NFATC3: variants seen among roughly 807,000 people sequenced by gnomAD.
NFATC3 encodes the protein nuclear factor of activated T-cells, cytoplasmic 3.
In NFATC3, 46 loss-of-function variants were observed where a neutral mutation model predicts 98.6. The ratio of observed to expected loss-of-function variants is 0.47; its 90% CI spans 0.37 to 0.60. The LOEUF is 0.60. Among genes scored for constraint, NFATC3 ranks in the 20% least tolerant of loss-of-function variants. The pLI, the probability that NFATC3 is intolerant of heterozygous loss-of-function variation, is 0.00. For missense variants in NFATC3, 1,256 were observed against 1,295.5 expected (o/e 0.97, Z 0.47); for synonymous variants, 512 against 472.2 (o/e 1.08, Z -1.09).
intron 9 of NFATC3, among the ~76,000 whole-genome samples, chr16:68,194,049 A>G (rs1025907792): frequency 1.3e-5 from 2 of 152,204 alleles, no homozygotes; most frequent in African/African-American, 4.8e-5. Flanking sequence ...CTAAAATTGC[A>G]TAGCATTTTT....
Position 68,181,493 on chromosome 16 carries a change from A to C in NFATC3, c.1934A>C (p.Glu645Ala), listed in dbSNP as rs1182187067. ...EKGQDGRPQW[E>A]VEGKIIREKC... ...TCAATAGATGGACGACCTCAGTGGG[A>C]GGTAGAAGGGAAGATAATCAGGGAA... is the stretch of plus-strand genomic sequence containing the variant. The change falls in exon 7 of 10, where the codon GAG (glutamate) becomes GCG (alanine). Residue 645 changes from glutamate (E) to alanine (A), a missense_variant. Transcript: ENST00000346183. 6.8e-6 allele frequency: 11 copies of C among 1,611,466 alleles called. No individual in the cohort carries two copies. Among genetic ancestry groups the C allele is most frequent in the Admixed American group, 5.0e-5 (3 of 59,904 alleles).
intron 3 of NFATC3, among the ~76,000 whole-genome samples, chr16:68,128,120 T>C (rs2036935618): frequency 6.6e-6 from 1 of 152,172 alleles, no homozygotes; most frequent in Non-Finnish European, 1.5e-5. Context: ...GATGATAATC[T>C]CTTAGAACTG....
chr16:68,222,719 T>G (rs117410267), intron 9 of NFATC3, among the ~76,000 whole-genome samples: 1,788 of 152,290 alleles, frequency 0.012, 35 homozygotes, highest in Non-Finnish European at 0.014. Context: ...GTCCATTTAT[T>G]TAGTCATCAG....
intron 1 of NFATC3, among the ~76,000 whole-genome samples, chr16:68,103,400 A>G (rs2035475178): frequency 6.6e-6 from 1 of 151,964 alleles, no homozygotes; most frequent in African/African-American, 2.4e-5. Context: ...TGTGGAGATG[A>G]GATTTCACCA....
intron 3 of NFATC3, among the ~76,000 whole-genome samples, chr16:68,144,016 T>G (rs1288820026): frequency 6.6e-6 from 1 of 151,966 alleles, no homozygotes; most frequent in African/African-American, 2.4e-5. Context: ...TCATCAAAAT[T>G]AAAAACTTTA....
chr16:68,173,063 C>T lies in NFATC3; in HGVS notation c.1775-1311C>T, dbSNP rs554726553. ...CTTGAGCCCAGGAGTTCGAGAACAG[C>T]CTGGGCAACAAAGTGAGACCCTATC... On this transcript the variant is annotated intron_variant, in intron 5 of 9. Coordinates refer to ENST00000346183, the MANE Select transcript of NFATC3 (RefSeq NM_173165.3). 1.2e-3 allele frequency among the ~76,000 whole-genome samples: 176 copies of T among 151,350 alleles called. 2 individuals carry two copies. The highest frequency in any genetic ancestry group is 3.6e-3 in the African/African-American group (150 of 41,236).
chr16:68,125,080 G>GA (rs2036766369), intron 2 of NFATC3, among the ~76,000 whole-genome samples: 1 of 152,194 alleles, frequency 6.6e-6, no homozygotes, highest in African/African-American at 2.4e-5. Context: ...CTGATCTTTA[G>GA]AAAAATAGAA....
intron 3 of NFATC3, among the ~76,000 whole-genome samples, chr16:68,128,529 G>A (rs1024008606): frequency 6.6e-6 from 1 of 151,220 alleles, no homozygotes; most frequent in Non-Finnish European, 1.5e-5. Flanking sequence ...CTTTTGGGAG[G>A]GTACATGATT....
intron 1 of NFATC3, among the ~76,000 whole-genome samples, chr16:68,086,247 A>G (rs998459057): frequency 5.9e-5 from 9 of 152,144 alleles, no homozygotes; most frequent in African/African-American, 1.9e-4. Context: ...TTTTAAGTCT[A>G]CTTTGCTAGA....
At chr16:68,094,576 CTT>C (rs2034905482) in intron 1 of NFATC3, among the ~76,000 whole-genome samples, 2 of 152,110 alleles carry the variant, frequency 1.3e-5, no homozygotes, top group Admixed American at 6.6e-5. Flanking sequence ...GATCAGTACT[CTT>C]TTGGATTTTC....
At chr16:68,107,656 G>C (rs1217227345) in intron 1 of NFATC3, among the ~76,000 whole-genome samples, 1 of 152,134 alleles carries the variant, frequency 6.6e-6, no homozygotes, top group African/African-American at 2.4e-5. Flanking sequence ...CCAGGAAACA[G>C]AGGTTGCAGT....
chr16:68,145,614 A>G (rs1422530216), intron 3 of NFATC3, among the ~76,000 whole-genome samples: 5 of 152,216 alleles, frequency 3.3e-5, no homozygotes, highest in African/African-American at 9.7e-5. Context: ...AAAAAAGTCA[A>G]TATACTATAT....
At chr16:68,128,703 A>G (rs1190297811) in intron 3 of NFATC3, among the ~76,000 whole-genome samples, 1 of 152,206 alleles carries the variant, frequency 6.6e-6, no homozygotes, top group Non-Finnish European at 1.5e-5. Flanking sequence ...AGTCCCAGCT[A>G]CTGGGGAGGC....
At chr16:68,086,712 T>G in intron 1 of NFATC3, 1 of 985,464 alleles carries the variant, frequency 1.0e-6, no homozygotes, top group Non-Finnish European at 1.2e-6. Context: ...AATTTCTTAA[T>G]GTTCATGTTT....
intron 1 of NFATC3, among the ~76,000 whole-genome samples, chr16:68,119,225 T>A (rs530200400): frequency 6.6e-6 from 1 of 152,272 alleles, no homozygotes; most frequent in African/African-American, 2.4e-5. Context: ...CCTTGACTGT[T>A]CTTTCACATC....
chr16:68,202,070 C>T (rs2040946877), intron 9 of NFATC3, among the ~76,000 whole-genome samples: 1 of 148,252 alleles, frequency 6.7e-6, no homozygotes, highest in South Asian at 2.2e-4. Context: ...AATCCTGTTA[C>T]AACTTTCCAT....
At chr16:68,100,802 A>T (rs933337326) in intron 1 of NFATC3, among the ~76,000 whole-genome samples, 2 of 150,948 alleles carry the variant, frequency 1.3e-5, no homozygotes, top group Admixed American at 1.3e-4. Context: ...GATTTTTGCC[A>T]TCCGTATATT....
rs187736689 is a variant in NFATC3 at position 68,207,202 on chromosome 16, C to T, written c.3106+15427C>T. Among the ~76,000 whole-genome samples, 27 of 151,162 alleles carry T rather than the reference C, an allele frequency of 1.8e-4. No homozygotes were observed. In the East Asian group the frequency reaches 4.5e-3, roughly 25 times the overall value. On this transcript the variant is annotated intron_variant, in intron 9 of 9. Transcript: ENST00000346183. ...GTGGGCGCCTGTAATCTCAGCTACT[C>T]GGAAGACTGAGACAGGAGAATCGCT...
intron 1 of NFATC3, among the ~76,000 whole-genome samples, chr16:68,102,374 GAAAAAAAAAAAAAA>G (rs71268472): frequency 1.9e-4 from 6 of 30,894 alleles, no homozygotes; most frequent in Non-Finnish European, 3.8e-4. Context: ...TCCATCTCAG[GAAAAAAAAAAAAAA>G]AAAAAAAAAA....
Sources: allele counts gnomAD v4.1 joint callset (sites outside exome capture counted in the v4.1 genomes callset), GRCh38; gene constraint gnomAD v4.1.1; transcripts MANE v1.5; gene names NCBI Gene and HGNC (gene_info 2026-07-23, HGNC 2026-07-21).